The following TRPM3 variants were observed in gnomAD, a reference collection of about 807,000 sequenced individuals.
TRPM3 encodes the protein transient receptor potential cation channel subfamily M member 3.
Under a neutral mutation model 181.2 loss-of-function variants are expected in TRPM3, and 77 were observed. The observed-to-expected ratio is 0.42, with a 90% CI of 0.35 to 0.51. TRPM3 has a LOEUF of 0.51. Among genes scored for constraint, TRPM3 ranks in the 20% least tolerant of loss-of-function variants. The probability of loss-of-function intolerance (pLI) is 0.01; values close to 1 mark genes in which losing one functional copy is unlikely to be tolerated. For missense variants in TRPM3, 1,759 were observed against 2,196.7 expected (o/e 0.80, Z 3.98); for synonymous variants, 745 against 796.4 (o/e 0.94, Z 1.09).
chr9:71,072,673 G>A (rs760659607), intron 1 of TRPM3, among the ~76,000 whole-genome samples: 2 of 152,146 alleles, frequency 1.3e-5, no homozygotes, highest in South Asian at 2.1e-4. Flanking sequence ...ATCATGCATT[G>A]TTGAAGGCCG....
At chr9:70,544,888 C>T (rs1191707062) in intron 25 of TRPM3, among the ~76,000 whole-genome samples, 1 of 152,124 alleles carries the variant, frequency 6.6e-6, no homozygotes, top group African/African-American at 2.4e-5. Flanking sequence ...TGAAAGTGTA[C>T]TCTGAACCAA....
intron 1 of TRPM3, among the ~76,000 whole-genome samples, chr9:71,347,261 T>G (rs2091351759): frequency 6.6e-6 from 1 of 152,202 alleles, no homozygotes; most frequent in Admixed American, 6.5e-5. Flanking sequence ...TGATAGACAT[T>G]CAGTTACTGT....
Position 70,535,789 on chromosome 9 carries a change from T to A in TRPM3, c.*164A>T. 1 of 1,488,998 alleles carries A rather than the reference T, an allele frequency of 6.7e-7. No individual in the cohort carries two copies. The highest frequency in any genetic ancestry group is 1.4e-5 in the South Asian group (1 of 71,360). The allele number at this position is 1,488,998 out of a possible 1,614,324, so 92.2% of individuals were successfully genotyped here. ...TGGGTCAGATCAAATGCTTTCTTGA[T>A]CTGTGGCCCAGAAGTCACCTTTGAG... On this transcript the variant is annotated 3_prime_UTR_variant, in exon 26 of 26. Transcript: ENST00000677713.
chr9:71,163,629 C>T (rs986219317), intron 1 of TRPM3, among the ~76,000 whole-genome samples: 24 of 152,020 alleles, frequency 1.6e-4, no homozygotes, highest in Non-Finnish European at 7.4e-5. Context: ...AGAGATATAC[C>T]TTGAGAATCA....
At chr9:70,745,585 T>A (rs1276417720) in intron 8 of TRPM3, among the ~76,000 whole-genome samples, 2 of 152,214 alleles carry the variant, frequency 1.3e-5, no homozygotes, top group Non-Finnish European at 2.9e-5. Context: ...TCCCCAAACA[T>A]TATGTTGGAG....
At chr9:71,349,119 T>C (rs1229299181) in intron 1 of TRPM3, among the ~76,000 whole-genome samples, 1 of 152,162 alleles carries the variant, frequency 6.6e-6, no homozygotes, top group African/African-American at 2.4e-5. Flanking sequence ...CTTCTGAAGA[T>C]TGCCTGCTCC....
chr9:70,926,973 G>T (rs1589833334), intron 1 of TRPM3, among the ~76,000 whole-genome samples: 1 of 152,152 alleles, frequency 6.6e-6, no homozygotes, highest in East Asian at 1.9e-4. Context: ...TAGTTTAAAG[G>T]TTAAATTCTA....
chr9:71,291,647 T>C (rs1342455682), intron 1 of TRPM3, among the ~76,000 whole-genome samples: 1 of 152,114 alleles, frequency 6.6e-6, no homozygotes, highest in Non-Finnish European at 1.5e-5. Flanking sequence ...ACCAAGAATA[T>C]GTAGTATTTT....
chr9:71,020,419 G>A lies in TRPM3; in HGVS notation c.177+100759C>T, dbSNP rs77710134. Reference sequence around the variant, plus strand: ...CTTGAGCCCAGGAGATTGAGGCTATGCTGAACCATGTCTGTGCCACTGCAC... The same window carrying A: ...CTTGAGCCCAGGAGATTGAGGCTATACTGAACCATGTCTGTGCCACTGCAC... On this transcript the variant is annotated intron_variant, in intron 1 of 25. Transcript: ENST00000677713. Among the ~76,000 whole-genome samples the A allele has an allele frequency of 4.9e-3, 749 of 151,624 alleles. 18 individuals carry two copies. The East Asian group carries it at 0.077, about 16-fold the overall frequency.
In TRPM3 at chr9:71,259,334, G is replaced by A. The variant is rs555199809; in HGVS notation, c.183+187319C>T. 3.0e-4 allele frequency among the ~76,000 whole-genome samples: 45 copies of A among 152,252 alleles called. No homozygotes were observed. The Middle Eastern group carries it at 0.014, about 46-fold the overall frequency. ...GGTGGTTCCAAGTCTTTGCTATTAT[G>A]AATAGTGCTTCAATAAACATACATG... On this transcript the variant is annotated intron_variant, in intron 1 of 24. Transcript: ENST00000357533.
chr9:70,787,162 A>T (rs1242036446), intron 6 of TRPM3, among the ~76,000 whole-genome samples: 1 of 152,210 alleles, frequency 6.6e-6, no homozygotes, highest in African/African-American at 2.4e-5. Context: ...TTCTAGAAGT[A>T]CAGAAAGATT....
intron 1 of TRPM3, among the ~76,000 whole-genome samples, chr9:71,442,685 AT>A (rs2131681145): frequency 6.6e-6 from 1 of 152,252 alleles, no homozygotes; most frequent in South Asian, 2.1e-4. Context: ...AATCTAAATT[AT>A]TTTTCTCTTT....
intron 1 of TRPM3, among the ~76,000 whole-genome samples, chr9:71,416,384 G>C (rs2093637476): frequency 6.6e-6 from 1 of 151,798 alleles, no homozygotes; most frequent in Admixed American, 6.6e-5. Context: ...TAAAATGATA[G>C]TTTTTGCTGT....
chr9:70,800,279 A>G (rs1355771375), intron 6 of TRPM3, among the ~76,000 whole-genome samples: 1 of 152,238 alleles, frequency 6.6e-6, no homozygotes, highest in East Asian at 1.9e-4. Context: ...AATGAAGTCC[A>G]CTGGGCCAGT....
chr9:70,658,787 G>C (rs755748530), intron 9 of TRPM3, among the ~76,000 whole-genome samples: 19 of 151,964 alleles, frequency 1.3e-4, no homozygotes, highest in Non-Finnish European at 2.6e-4. Flanking sequence ...TGGAGATTGT[G>C]ACATCAGAAT....
intron 1 of TRPM3, among the ~76,000 whole-genome samples, chr9:70,974,646 T>C (rs1451989751): frequency 6.6e-6 from 1 of 150,506 alleles, no homozygotes; most frequent in South Asian, 2.1e-4. Flanking sequence ...GGAGAATCGC[T>C]AGAACCCAGG....
intron 7 of TRPM3, among the ~76,000 whole-genome samples, chr9:70,776,705 G>C (rs1285476836): frequency 6.6e-6 from 1 of 152,140 alleles, no homozygotes; most frequent in Non-Finnish European, 1.5e-5. Flanking sequence ...GGTGATTGAT[G>C]GTAAATATGT....
At chr9:71,401,409 G>A (rs1032310484) in intron 1 of TRPM3, among the ~76,000 whole-genome samples, 2 of 152,068 alleles carry the variant, frequency 1.3e-5, no homozygotes, top group African/African-American at 4.8e-5. Context: ...TTGGAGGAGG[G>A]CATGCAGATG....
At chr9:70,793,919 G>A (rs2086313602) in intron 6 of TRPM3, among the ~76,000 whole-genome samples, 1 of 152,152 alleles carries the variant, frequency 6.6e-6, no homozygotes, top group African/African-American at 2.4e-5. Context: ...GTTGGCTCAT[G>A]TAAACGCTCT....
Sources: gnomAD v4.1 joint callset for allele counts (sites outside exome capture counted in the v4.1 genomes callset) on GRCh38, gnomAD v4.1.1 for gene constraint, MANE v1.5 for transcripts, NCBI Gene and HGNC (gene_info 2026-07-23, HGNC 2026-07-21) for gene names.